The following CXXC4 variants were observed in gnomAD, a reference collection of about 807,000 sequenced individuals.
CXXC4 encodes CXXC finger protein 4.
Under a neutral mutation model 20.5 loss-of-function variants are expected in CXXC4, and 5 were observed. That is an observed-to-expected ratio of 0.24 (90% confidence interval 0.13 to 0.51). The LOEUF (loss-of-function observed/expected upper bound fraction) is 0.51, where lower values mean the gene tolerates loss of function less well. Among genes scored for constraint, CXXC4 ranks in the 20% least tolerant of loss-of-function variants. CXXC4 has a pLI of 0.97. For synonymous variants in CXXC4, 250 were observed against 216.4 expected, an observed-to-expected ratio of 1.16 and a Z score of -1.36; for missense variants, 419 against 496.4, an observed-to-expected ratio of 0.84 and a Z score of 1.48.
At position 104,491,810 on chromosome 4, in the gene CXXC4, G is replaced by C. The variant is rs897552747; in HGVS notation, c.-8C>G. On this transcript the variant is annotated 5_prime_UTR_variant, in exon 2 of 3. Transcript: ENST00000394767. Reference sequence around the variant, plus strand: ...GCAGACATTGGTGTTCATGGTGCAGGGGGGGAAGAAGGGGTGCAGGGTGGA... The same window carrying C: ...GCAGACATTGGTGTTCATGGTGCAGCGGGGGAAGAAGGGGTGCAGGGTGGA... 8 of 1,444,630 alleles carry C rather than the reference G, an allele frequency of 5.5e-6. No individual in the cohort carries two copies. Among genetic ancestry groups the C allele is most frequent in the Non-Finnish European group, 5.5e-6 (6 of 1,091,254 alleles). The allele number at this position is 1,444,630 out of a possible 1,614,324, so 89.5% of individuals were successfully genotyped here. A position where few individuals can be genotyped will look rare whatever the true frequency, so the allele number is the denominator to read the frequency against.
Position 104,491,376 on chromosome 4 carries a change from A to AGGC in CXXC4, c.424_426dup (p.Ala142dup), listed in dbSNP as rs769685498. The AGGC allele has an allele frequency of 5.1e-6, 7 of 1,362,468 alleles. No individual in the cohort carries two copies. Among genetic ancestry groups the AGGC allele is most frequent in the African/African-American group, 3.2e-5 (2 of 62,868 alleles). 84.4% of individuals were successfully genotyped at this position (1,362,468 alleles called of 1,614,324 possible). ...GCCGAGGAGGAGGAGGCGGAGGAGG[A>AGGC]GGCGGCGGCGGAGGAGGATTTCCTG... On this transcript the variant is annotated inframe_insertion, in exon 2 of 3. Coordinates refer to ENST00000394767, the MANE Select transcript of CXXC4 (RefSeq NM_025212.4).
chr4:104,474,007 T>C (rs185184628), intron 2 of CXXC4, among the ~76,000 whole-genome samples: 20 of 152,098 alleles, frequency 1.3e-4, no homozygotes, highest in Non-Finnish European at 1.3e-4. Flanking sequence ...AACATGCTTT[T>C]CGCTATCTGT....
rs181795114 is a variant in CXXC4, at chr4:104,472,093, T to C, written c.*229A>G. On this transcript the variant is annotated 3_prime_UTR_variant, in exon 3 of 3. Transcript: ENST00000394767. ...TAGCTAAATTACATCAAAGAAAGAA[T>C]CAGCGTATTGAAAGTAAATAGACTG... The C allele has an allele frequency of 2.8e-6, 1 of 362,626 alleles. No homozygotes were observed. Among genetic ancestry groups the C allele is most frequent in the African/African-American group, 2.1e-5 (1 of 47,474 alleles). The allele number at this position is 362,626 out of a possible 1,614,324, so 22.5% of individuals were successfully genotyped here. A position where few individuals can be genotyped will look rare whatever the true frequency, so the allele number is the denominator to read the frequency against.
Position 104,491,180 on chromosome 4 carries a change from G to T in CXXC4, c.623C>A (p.Pro208His). 6 of 1,613,910 alleles carry T rather than the reference G, an allele frequency of 3.7e-6. No homozygotes were observed. The highest frequency in any genetic ancestry group is 4.2e-6 in the Non-Finnish European group (5 of 1,179,996). ...LSTLSPEHCR[P>H]LAGECMNKLK... ...CTTGTTCATGCATTCCCCCGCCAAA[G>T]GTCTGCAGTGTTCAGGGGATAAGGT... Residue 208 changes from proline to histidine, a missense_variant, in exon 2 of 3, where the codon CCT becomes CAT. Physicochemically the swap from Pro to His is moderately conservative, Grantham distance 77. Coordinates refer to ENST00000394767, the MANE Select transcript of CXXC4 (RefSeq NM_025212.4).
rs1413076238 is a variant in CXXC4 at position 104,488,120 on chromosome 4, CA to C, written c.1059+2623del. ...CAGATGTTAATTGGCACCCATAATT[CA>C]AAGCCAACAAATATTAGCTATGGAG... On this transcript the variant is annotated intron_variant, in intron 2 of 2. Coordinates refer to ENST00000394767, the MANE Select transcript of CXXC4 (RefSeq NM_025212.4). Among the ~76,000 whole-genome samples the C allele has an allele frequency of 2.6e-5, 4 of 152,184 alleles. No homozygotes were observed. In the East Asian group the frequency reaches 7.7e-4, roughly 29 times the overall value.
intron 2 of CXXC4, among the ~76,000 whole-genome samples, chr4:104,480,249 CAACT>C (rs1484412240): frequency 2.0e-5 from 3 of 152,078 alleles, no homozygotes; most frequent in Non-Finnish European, 4.4e-5. Context: ...TTCAGATAGT[CAACT>C]AACTAGCAAA....
Position 104,491,871 on chromosome 4 carries a change from A to C in CXXC4, c.-69T>G. The C allele has an allele frequency of 3.0e-6, 1 of 331,152 alleles. No homozygotes were observed. Among genetic ancestry groups the C allele is most frequent in the Non-Finnish European group, 3.6e-6 (1 of 278,240 alleles). 20.5% of individuals were successfully genotyped at this position (331,152 alleles called of 1,614,324 possible). A position where few individuals can be genotyped will look rare whatever the true frequency, so the allele number is the denominator to read the frequency against. On this transcript the variant is annotated 5_prime_UTR_variant, in exon 2 of 3. Coordinates refer to ENST00000394767, the MANE Select transcript of CXXC4 (RefSeq NM_025212.4). The stretch of plus-strand genomic sequence containing the variant: ...GCCTGGTCCGACACCTGGGTGGAAA[A>C]GGGGGAAAGGTGGGGGGGAGGGAAG...
chr4:104,478,456 C>T lies in CXXC4; in HGVS notation c.1060-6090G>A, dbSNP rs1302607961. 3.9e-5 allele frequency among the ~76,000 whole-genome samples: 6 copies of T among 152,046 alleles called. No homozygotes were observed. In the South Asian group the frequency reaches 1.0e-3, roughly 26 times the overall value. On this transcript the variant is annotated intron_variant, in intron 2 of 2. Coordinates refer to ENST00000394767, the MANE Select transcript of CXXC4 (RefSeq NM_025212.4). ...GAGGTAAAATGACAGATTAACACCA[C>T]GATTCACACTGGTCCAGAAGTGACC... is the stretch of plus-strand genomic sequence containing the variant.
chr4:104,490,544 A>G (rs1434404654), intron 2 of CXXC4, among the ~76,000 whole-genome samples, 200 bp downstream of exon 2: 1 of 152,216 alleles, frequency 6.6e-6, no homozygotes, highest in Non-Finnish European at 1.5e-5. Flanking sequence ...CTCTATCAGA[A>G]GGGCGGTGTC....
intron 2 of CXXC4, among the ~76,000 whole-genome samples, chr4:104,473,174 C>G (rs576505182): frequency 1.8e-4 from 28 of 151,916 alleles, no homozygotes; most frequent in African/African-American, 6.5e-4. Flanking sequence ...ACCTGCAACA[C>G]TTATCATTAA....
At chr4:104,482,205 A>G (rs1578318833) in intron 2 of CXXC4, among the ~76,000 whole-genome samples, 1 of 152,162 alleles carries the variant, frequency 6.6e-6, no homozygotes, top group Non-Finnish European at 1.5e-5. Context: ...CATTGGTTTC[A>G]TGGACCACCA....
intron 2 of CXXC4, among the ~76,000 whole-genome samples, chr4:104,482,873 T>C (rs966263618): frequency 6.6e-6 from 1 of 152,050 alleles, no homozygotes; most frequent in African/African-American, 2.4e-5. Context: ...AATAATCCAG[T>C]TGTGGTATGG....
intron 2 of CXXC4, among the ~76,000 whole-genome samples, chr4:104,483,750 CAAAT>C (rs1355736477): frequency 6.6e-6 from 1 of 151,646 alleles, no homozygotes; most frequent in Non-Finnish European, 1.5e-5. Flanking sequence ...AAAAAAAAGT[CAAAT>C]AAAAGTATTG....
At chr4:104,483,913 G>T (rs1313875670) in intron 2 of CXXC4, among the ~76,000 whole-genome samples, 1 of 151,962 alleles carries the variant, frequency 6.6e-6, no homozygotes, top group African/African-American at 2.4e-5. Flanking sequence ...TGGGTAATAT[G>T]CTCAGTTTCC....
At chr4:104,493,473 A>C (rs1038434501) in intron 1 of CXXC4, among the ~76,000 whole-genome samples, 1 of 152,200 alleles carries the variant, frequency 6.6e-6, no homozygotes, top group Non-Finnish European at 1.5e-5. Flanking sequence ...AGGTTAATGA[A>C]CCAGTTATGC....
intron 2 of CXXC4, among the ~76,000 whole-genome samples, chr4:104,479,795 C>CTCCGTCCT (rs1244316623): frequency 2.8e-5 from 4 of 141,350 alleles, no homozygotes; most frequent in Non-Finnish European, 4.6e-5. Context: ...CCCTCTGTTC[C>CTCCGTCCT]TCCGTCCTTC....
At position 104,491,457 on chromosome 4, in the gene CXXC4, C is replaced by G. The variant is rs1225661052; in HGVS notation, c.346G>C (p.Gly116Arg). The change falls in exon 2 of 3, where the codon GGG becomes CGG. Residue 116 changes from glycine to arginine, a missense_variant. Gly to Arg is a moderately radical substitution (Grantham distance 125). Around this residue, in one of 3 missense-constraint regions of CXXC4, gnomAD observed 388 missense variants for 416.0 expected, o/e 0.93. Coordinates refer to ENST00000394767, the MANE Select transcript of CXXC4 (RefSeq NM_025212.4). ...GSGGGGGGGG[G>R]GGGGGGGGGG... ...CCGCCGCCGCCGCCGCCGCCACCCC[C>G]CCCGCCGCCGCCCCCGCCCCCGCCG... The G allele has an allele frequency of 3.8e-5, 35 of 925,702 alleles. No homozygotes were observed. Among genetic ancestry groups the G allele is most frequent in the Non-Finnish European group, 5.3e-6 (4 of 752,448 alleles). The allele number at this position is 925,702 out of a possible 1,614,324, so 57.3% of individuals were successfully genotyped here. A position where few individuals can be genotyped will look rare whatever the true frequency, so the allele number is the denominator to read the frequency against.
intron 1 of CXXC4, among the ~76,000 whole-genome samples, chr4:104,493,065 C>T (rs4698921): frequency 0.62 from 93,290 of 149,498 alleles, 29,841 homozygotes; most frequent in African/African-American, 0.73. Context: ...GGGGCTTTAA[C>T]GTGTTCTTTG....
Position 104,491,422 on chromosome 4 carries a change from C to CCCGCCG in CXXC4, c.380_381insCGGCGG (p.Gly133_Gly134dup), listed in dbSNP as rs1553913953. The stretch of plus-strand genomic sequence containing the variant: ...TCCTGCCGCCCCCACCACCCCCGCC[C>CCCGCCG]CCGCCTCCGCCGCCGCCGCCGCCGC... On this transcript the variant is annotated inframe_insertion, in exon 2 of 3. Transcript: ENST00000394767. 2 of 982,110 alleles carry CCCGCCG rather than the reference C, an allele frequency of 2.0e-6. No homozygotes were observed. The highest frequency in any genetic ancestry group is 3.5e-5 in the African/African-American group (2 of 56,758). 60.8% of individuals were successfully genotyped at this position (982,110 alleles called of 1,614,324 possible).
Sources: gnomAD v4.1 joint callset for allele counts (sites outside exome capture counted in the v4.1 genomes callset) on GRCh38, gnomAD v4.1.1 for gene constraint, gnomAD v4.1.1 regional missense constraint, MANE v1.5 for transcripts, NCBI Gene and HGNC (gene_info 2026-07-23, HGNC 2026-07-21) for gene names.